The following IL20RB variants were observed in gnomAD, a reference collection of about 807,000 sequenced individuals.
IL20RB encodes interleukin 20 receptor subunit beta.
IL20RB carries 21 observed loss-of-function variants against 33.3 expected under a neutral mutation model. The observed-to-expected ratio is 0.63, with a 90% CI of 0.45 to 0.91. The LOEUF (loss-of-function observed/expected upper bound fraction) is 0.91. Among genes scored for constraint, IL20RB ranks in the 40% least tolerant of loss-of-function variants. The probability of loss-of-function intolerance (pLI) is 0.00; values close to 1 mark genes in which losing one functional copy is unlikely to be tolerated. For missense variants in IL20RB, 345 were observed against 384.8 expected, an observed-to-expected ratio of 0.90 and a Z score of 0.86; for synonymous variants, 147 against 146.8, an observed-to-expected ratio of 1.00 and a Z score of -0.01.
At chr3:136,991,107 A>G (rs1228067502) in intron 4 of IL20RB, among the ~76,000 whole-genome samples, 1 of 152,204 alleles carries the variant, frequency 6.6e-6, no homozygotes. Context: ...AAGGGTGAAC[A>G]GACGGATGGA....
At chr3:136,980,655 C>A in intron 2 of IL20RB, 63 bp downstream of exon 2, 1 of 1,592,092 alleles carries the variant, frequency 6.3e-7, no homozygotes, top group Non-Finnish European at 8.6e-7. Flanking sequence ...AAGGCATAGC[C>A]CTTCCTCCTG....
In IL20RB at chr3:136,982,234, G is replaced by A. The variant is rs1285242802; in HGVS notation, c.290G>A (p.Cys97Tyr). 4 of 1,610,634 alleles carry A rather than the reference G, an allele frequency of 2.5e-6. No homozygotes were observed. The highest frequency in any genetic ancestry group is 3.4e-6 in the Non-Finnish European group (4 of 1,177,176). ...SWCSLTEGPE[C>Y]DVTDDITATV... ...TGCTCACTCACTGAAGGTCCTGAGT[G>A]TGATGTCACTGATGACATCACGGCC... The change falls in exon 3 of 7, where the codon TGT becomes TAT. Residue 97 changes from cysteine to tyrosine, a missense_variant. Coordinates refer to ENST00000329582, the MANE Select transcript of IL20RB (RefSeq NM_144717.4).
intron 3 of IL20RB, among the ~76,000 whole-genome samples, chr3:136,987,147 C>G (rs944109567): frequency 4.0e-5 from 6 of 151,626 alleles, no homozygotes; most frequent in South Asian, 2.1e-4. Context: ...ACTGCTGGCT[C>G]GGGCAGCCTG....
rs898788628 is a variant in IL20RB, at chr3:136,995,437, G to T, written c.706G>T (p.Ala236Ser). 2 of 1,613,952 alleles carry T rather than the reference G, an allele frequency of 1.2e-6. No individual in the cohort carries two copies. Among genetic ancestry groups the T allele is most frequent in the Non-Finnish European group, 1.7e-6 (2 of 1,180,022 alleles). The change falls in exon 6 of 7, where the codon GCC becomes TCC. Residue 236 changes from alanine (A) to serine (S), a missense_variant. Ala to Ser is a moderately conservative substitution (Grantham distance 99, BLOSUM62 1). Coordinates refer to ENST00000329582, the MANE Select transcript of IL20RB (RefSeq NM_144717.4). ...VQGEAIPLVL[A>S]LFAFVGFMLI... Reference sequence around the variant, plus strand: ...AGGAGAGGCCATTCCCCTGGTACTGGCCCTGTTTGCCTTTGTTGGCTTCAT... The same window carrying T: ...AGGAGAGGCCATTCCCCTGGTACTGTCCCTGTTTGCCTTTGTTGGCTTCAT...
At chr3:136,958,341 C>A in intron 1 of IL20RB, 140 bp downstream of exon 1, 1 of 563,246 alleles carries the variant, frequency 1.8e-6, no homozygotes. Flanking sequence ...TTATCACCTC[C>A]TAAACCTCTA....
chr3:136,987,783 C>CT (rs1045686170), intron 3 of IL20RB, among the ~76,000 whole-genome samples: 1 of 152,242 alleles, frequency 6.6e-6, no homozygotes, highest in Admixed American at 6.5e-5. Context: ...CGCCGGTGGG[C>CT]TGGCACTGCT....
chr3:136,977,502 G>A lies in IL20RB; in HGVS notation c.89-2964G>A, dbSNP rs184425143. 7.4e-3 allele frequency among the ~76,000 whole-genome samples: 1,124 copies of A among 152,138 alleles called. 14 individuals carry two copies. Among genetic ancestry groups the A allele is most frequent in the African/African-American group, 0.025 (1,039 of 41,508 alleles). On this transcript the variant is annotated intron_variant, in intron 1 of 6. Transcript: ENST00000329582. The stretch of plus-strand genomic sequence containing the variant: ...TAGTGATTATAATTTTAATTTCTGT[G>A]TATGTGTTTGTTGCTGGTATATAGA...
intron 6 of IL20RB, among the ~76,000 whole-genome samples, chr3:137,002,669 G>A (rs1441501771): frequency 6.6e-6 from 1 of 151,830 alleles, no homozygotes. Context: ...CTGGATATTA[G>A]TCCTTTGTCA....
At chr3:137,008,872 G>C (rs361232) in intron 6 of IL20RB, among the ~76,000 whole-genome samples, 93,437 of 152,044 alleles carry the variant, frequency 0.61, 29,173 homozygotes, top group East Asian at 0.9. Flanking sequence ...AATGTGCTAC[G>C]AGATTTTAAA....
intron 5 of IL20RB, 34 bp from the exon 6 acceptor site, chr3:136,995,380 G>GT (rs1464836935): frequency 6.2e-7 from 1 of 1,610,448 alleles, no homozygotes. Context: ...CTTTGCTGCT[G>GT]TTTTCTAAGC....
chr3:136,974,042 T>A (rs912756486), intron 1 of IL20RB, among the ~76,000 whole-genome samples: 1 of 152,182 alleles, frequency 6.6e-6, no homozygotes, highest in Admixed American at 6.5e-5. Context: ...ATGGAGAATT[T>A]AATCCACTTA....
At chr3:136,978,116 G>C (rs1008274090) in intron 1 of IL20RB, among the ~76,000 whole-genome samples, 1 of 151,116 alleles carries the variant, frequency 6.6e-6, no homozygotes, top group African/African-American at 2.4e-5. Context: ...ATCAAGTTGT[G>C]GTAACTCCCT....
intron 1 of IL20RB, among the ~76,000 whole-genome samples, chr3:136,963,626 T>C (rs1249055182): frequency 3.3e-5 from 5 of 151,958 alleles, no homozygotes; most frequent in Non-Finnish European, 7.4e-5. Flanking sequence ...GATTGTTTGA[T>C]TTTTCTACTG....
In IL20RB at chr3:136,980,550, T is replaced by C. The variant is rs1941744975; in HGVS notation, c.173T>C (p.Ile58Thr). Residue 58 changes from isoleucine (I) to threonine (T), a missense_variant, in exon 2 of 7, where the codon ATC becomes ACC. Physicochemically the swap from Ile to Thr is moderately conservative, Grantham distance 89 (BLOSUM62 -1). Coordinates refer to ENST00000329582, the MANE Select transcript of IL20RB (RefSeq NM_144717.4). ...CATCTCTTGATGTGGAGCCCAGTGATCGCGCCTGGAGAAACAGTGTACTAT... is the reference window on the plus strand; with the variant it reads ...CATCTCTTGATGTGGAGCCCAGTGACCGCGCCTGGAGAAACAGTGTACTAT... ...MKHLLMWSPV[I>T]APGETVYYSV... 6.2e-7 allele frequency: 1 copy of C among 1,614,218 alleles called. No homozygotes were observed. Among genetic ancestry groups the C allele is most frequent in the African/African-American group, 1.3e-5 (1 of 75,050 alleles).
rs1942041358 is a variant in IL20RB, at chr3:136,991,968, A to G, written c.562A>G (p.Ile188Val). Reference sequence around the variant, plus strand: ...TGTCAAAATGGTGAGGAGTGGGGGTATTCCAGTGCACCTAGAAACCATGGA... The same window carrying G: ...TGTCAAAATGGTGAGGAGTGGGGGTGTTCCAGTGCACCTAGAAACCATGGA... ...EHVKMVRSGG[I>V]PVHLETMEPG... Residue 188 changes from isoleucine to valine, a missense_variant, in exon 5 of 7, where the codon ATT (isoleucine) becomes GTT (valine). Transcript: ENST00000329582. 6.2e-7 allele frequency: 1 copy of G among 1,614,044 alleles called. No individual in the cohort carries two copies. The highest frequency in any genetic ancestry group is 1.3e-5 in the African/African-American group (1 of 74,934).
At chr3:136,990,948 G>A (rs1422058427) in intron 4 of IL20RB, among the ~76,000 whole-genome samples, 8 of 152,314 alleles carry the variant, frequency 5.3e-5, no homozygotes, top group East Asian at 1.9e-4. Context: ...CCTCAGATTC[G>A]CTGGGATGGA....
Position 137,010,212 on chromosome 3 carries a change from T to C in IL20RB, c.925T>C (p.Trp309Arg), listed in dbSNP as rs1336792513. The C allele has an allele frequency of 1.9e-6, 3 of 1,555,462 alleles. 1 individual carries two copies. The South Asian group carries it at 3.3e-5, about 17-fold the overall frequency. The stretch of plus-strand genomic sequence containing the variant: ...GTCTCCTGAGGAACTCCTCAGGGCC[T>C]GGATCTCATAGGTTTGCGGAAGGGC... The part of the protein sequence containing the change: ...VMSPEELLRA[W>R]IS Residue 309 changes from tryptophan to arginine, a missense_variant, in exon 7 of 7, where the codon TGG becomes CGG. By Grantham distance (101) the Trp-to-Arg change is moderately radical. Transcript: ENST00000329582.
chr3:137,007,167 G>A (rs896055593), intron 6 of IL20RB, among the ~76,000 whole-genome samples: 4 of 152,164 alleles, frequency 2.6e-5, no homozygotes, highest in East Asian at 1.9e-4. Flanking sequence ...AAGCTTTGTC[G>A]CAGAGGGGCA....
chr3:136,985,835 T>A (rs1185589259), intron 3 of IL20RB, among the ~76,000 whole-genome samples: 1 of 152,176 alleles, frequency 6.6e-6, no homozygotes, highest in East Asian at 1.9e-4. Context: ...CAGCCAGGGT[T>A]GAGATCCACT....
Sources: allele counts gnomAD v4.1 joint callset (sites outside exome capture counted in the v4.1 genomes callset), GRCh38; gene constraint gnomAD v4.1.1; transcripts MANE v1.5; gene names NCBI Gene and HGNC (gene_info 2026-07-23, HGNC 2026-07-21).